TANC2: variants seen among roughly 807,000 people sequenced by gnomAD.
TANC2 encodes the protein protein TANC2.
Under a neutral mutation model 210.5 loss-of-function variants are expected in TANC2, and 26 were observed. The observed-to-expected ratio is 0.12, with a 90% CI of 0.09 to 0.17. The LOEUF (loss-of-function observed/expected upper bound fraction) is 0.17, where lower values mean the gene tolerates loss of function less well. TANC2 is among the 10% of genes least tolerant of loss of function. The pLI, the probability that TANC2 is intolerant of heterozygous loss-of-function variation, is 1.00. For synonymous variants in TANC2, 931 were observed against 967.1 expected, an observed-to-expected ratio of 0.96 and a Z score of 0.69; for missense variants, 2,129 against 2,608.9, an observed-to-expected ratio of 0.82 and a Z score of 4.01.
chr17:63,354,862 A>G (rs889410804), exon 14 of TANC2: 1 of 1,613,564 alleles, frequency 6.2e-7, no homozygotes, highest in African/African-American at 1.3e-5. Flanking sequence ...CAGGACCTGC[A>G]GGCTTACATC....
At chr17:63,082,087 C>T (rs1380997287) in intron 3 of TANC2, among the ~76,000 whole-genome samples, 3 of 152,134 alleles carry the variant, frequency 2.0e-5, no homozygotes, top group East Asian at 1.9e-4. Flanking sequence ...AGGAGAATGG[C>T]ATGAACCCGG....
At chr17:63,386,250 A>T (rs980221837) in intron 15 of TANC2, among the ~76,000 whole-genome samples, 1 of 152,214 alleles carries the variant, frequency 6.6e-6, no homozygotes, top group African/African-American at 2.4e-5. Context: ...TATGGACCTT[A>T]TGTGAATCCC....
intron 9 of TANC2, among the ~76,000 whole-genome samples, chr17:63,268,822 G>A (rs879545326): frequency 4.6e-5 from 7 of 152,140 alleles, no homozygotes; most frequent in Non-Finnish European, 8.8e-5. Context: ...TACAGTGATG[G>A]TCTAGTTGAG....
chr17:63,041,683 A>T (rs1294792288), intron 2 of TANC2, among the ~76,000 whole-genome samples: 1 of 152,184 alleles, frequency 6.6e-6, no homozygotes, highest in East Asian at 1.9e-4. Context: ...GAACTAGAAG[A>T]GTCTCTCTAA....
chr17:63,127,522 C>A (rs2038753150), intron 4 of TANC2, among the ~76,000 whole-genome samples: 1 of 152,080 alleles, frequency 6.6e-6, no homozygotes, highest in African/African-American at 2.4e-5. Flanking sequence ...TAAAATGTCA[C>A]AAAAATTGTA....
Position 63,411,503 on chromosome 17 carries a change from C to T in TANC2, c.3590-8C>T. The T allele has an allele frequency of 6.2e-7, 1 of 1,604,990 alleles. No individual in the cohort carries two copies. The highest frequency in any genetic ancestry group is 8.5e-7 in the Non-Finnish European group (1 of 1,175,426). ...TCCTCAGCCCTGTGCTATCACTTGC[C>T]TTTGCAGGTGCCTCCATTGCTCTTA... On this transcript the variant is annotated splice_region_variant and splice_polypyrimidine_tract_variant and intron_variant, in intron 21 of 27. Coordinates refer to ENST00000689528, the Ensembl canonical transcript of TANC2.
At chr17:63,040,055 A>C (rs1296673914) in intron 2 of TANC2, among the ~76,000 whole-genome samples, 1 of 152,148 alleles carries the variant, frequency 6.6e-6, no homozygotes, top group Non-Finnish European at 1.5e-5. Context: ...TTCATTTTAT[A>C]ATAGCAGAAA....
At chr17:63,209,313 A>G (rs1331987188) in intron 7 of TANC2, among the ~76,000 whole-genome samples, 1 of 149,978 alleles carries the variant, frequency 6.7e-6, no homozygotes, top group African/African-American at 2.5e-5. Context: ...GCACCCGGCC[A>G]CACTTTTTTT....
intron 8 of TANC2, among the ~76,000 whole-genome samples, chr17:63,240,320 T>C (rs1239130843): frequency 3.3e-5 from 5 of 152,240 alleles, no homozygotes; most frequent in African/African-American, 1.2e-4. Flanking sequence ...AGTGGAACTA[T>C]GTAGTCAGTC....
At chr17:63,012,268 G>C (rs181185701) in intron 2 of TANC2, among the ~76,000 whole-genome samples, 1 of 152,034 alleles carries the variant, frequency 6.6e-6, no homozygotes, top group Non-Finnish European at 1.5e-5. Flanking sequence ...TGATCCTCAT[G>C]CCTTGGCCTT....
chr17:63,226,228 G>A (rs2042325072), intron 7 of TANC2, among the ~76,000 whole-genome samples: 1 of 152,168 alleles, frequency 6.6e-6, no homozygotes, highest in African/African-American at 2.4e-5. Flanking sequence ...ACCATAGGGG[G>A]TCTGTGGCAA....
intron 7 of TANC2, among the ~76,000 whole-genome samples, chr17:63,205,372 A>AAAAAAAAAC (rs1472135033): frequency 3.2e-4 from 42 of 131,850 alleles, no homozygotes; most frequent in African/African-American, 7.5e-4. Context: ...AAAAAAAAAA[A>AAAAAAAAAC]CCTCATACAC....
chr17:63,332,453 A>G, intron 11 of TANC2: 1 of 395,330 alleles, frequency 2.5e-6, no homozygotes, highest in Non-Finnish European at 5.0e-6. Context: ...AAAGGACTCA[A>G]AGTGAGTAAT....
intron 14 of TANC2, among the ~76,000 whole-genome samples, chr17:63,378,043 T>C (rs1319560983): frequency 6.6e-6 from 1 of 152,060 alleles, no homozygotes; most frequent in Admixed American, 6.6e-5. Flanking sequence ...GTGGGGATTA[T>C]GGGGGTTACA....
At chr17:63,100,432 C>T (rs1478366857) in intron 4 of TANC2, among the ~76,000 whole-genome samples, 1 of 151,994 alleles carries the variant, frequency 6.6e-6, no homozygotes, top group Non-Finnish European at 1.5e-5. Flanking sequence ...AGTCTAAAGA[C>T]ACTTTGGTCA....
intron 2 of TANC2, among the ~76,000 whole-genome samples, chr17:63,069,502 T>C (rs2036320548): frequency 6.6e-6 from 1 of 152,196 alleles, no homozygotes; most frequent in Non-Finnish European, 1.5e-5. Flanking sequence ...CAGAAGAAGA[T>C]GTTACTTTGA....
rs559671057 is a variant in TANC2 at position 63,412,178 on chromosome 17, C to G, written c.3898+48C>G. 7 of 1,613,074 alleles carry G rather than the reference C, an allele frequency of 4.3e-6. No homozygotes were observed. The Admixed American group carries it at 1.0e-4, about 23-fold the overall frequency. On this transcript the variant is annotated intron_variant, in intron 23 of 27. Transcript: ENST00000689528. This position sits in a 1 kb window ranked among gnomAD's most constrained non-coding sequence, Gnocchi z 4.2. ...TGGCCATCTGTGCCCAGGGGCCAGA[C>G]TGGTCCAGTGGTCTGGCTGCCCTGG...
rs573545433 is a variant in TANC2, at chr17:63,344,400, T to C, written c.1807+4068T>C. Among the ~76,000 whole-genome samples the C allele has an allele frequency of 3.3e-5, 5 of 152,326 alleles. No individual in the cohort carries two copies. In the East Asian group the frequency reaches 9.7e-4, roughly 29 times the overall value. On this transcript the variant is annotated intron_variant, in intron 12 of 27. Coordinates refer to ENST00000689528, the Ensembl canonical transcript of TANC2. ...TCCAAAAATACATGTAGTGAAATGT[T>C]GAATGCTTTTTTCCCCTAAGGTCAA...
chr17:63,304,974 C>T (rs1295455918), intron 9 of TANC2, among the ~76,000 whole-genome samples: 3 of 152,218 alleles, frequency 2.0e-5, no homozygotes, highest in Non-Finnish European at 2.9e-5. Context: ...AGATGGCTGC[C>T]GCCCATCCCC....
Sources: gnomAD v4.1 joint callset for allele counts (sites outside exome capture counted in the v4.1 genomes callset) on GRCh38, gnomAD v4.1.1 for gene constraint, Gnocchi (gnomAD v3.1) non-coding constraint, MANE v1.5 for transcripts, NCBI Gene and HGNC (gene_info 2026-07-23, HGNC 2026-07-21) for gene names.